Variants in MPRIP observed in about 807,000 individuals in gnomAD.
The protein encoded by MPRIP is myosin phosphatase Rho interacting protein.
Under a neutral mutation model 234.9 loss-of-function variants are expected in MPRIP, and 59 were observed. That is an observed-to-expected ratio of 0.25 (90% CI 0.20 to 0.31). MPRIP has a LOEUF of 0.31. MPRIP is among the 10% of genes least tolerant of loss of function. The pLI is 1.00. For missense variants in MPRIP, 2,436 were observed against 3,071.0 expected (o/e 0.79, Z 4.89); for synonymous variants, 1,144 against 1,263.9 (o/e 0.91, Z 2.01).
intron 4 of MPRIP, among the ~76,000 whole-genome samples, chr17:17,128,474 T>G (rs375301150): frequency 6.6e-6 from 1 of 152,162 alleles, no homozygotes; most frequent in African/African-American, 2.4e-5. Flanking sequence ...CTCTCCTGGG[T>G]CACTTCTCTG....
chr17:17,079,890 G>T (rs542617916), intron 3 of MPRIP, among the ~76,000 whole-genome samples: 2 of 152,180 alleles, frequency 1.3e-5, no homozygotes, highest in African/African-American at 4.8e-5. Flanking sequence ...AATTGAGGCC[G>T]CTTAGCCAGG....
intron 2 of MPRIP, 104 bp downstream of exon 2, chr17:17,075,891 C>T: frequency 8.8e-7 from 1 of 1,135,256 alleles, no homozygotes. Context: ...AACAGTGGAT[C>T]CTGGGATAGC....
Position 17,042,817 on chromosome 17 carries a change from C to CCGCCGT in MPRIP, c.-27_-26insTCGCCG. 7.3e-7 allele frequency: 1 copy of CCGCCGT among 1,378,938 alleles called. No homozygotes were observed. The highest frequency in any genetic ancestry group is 9.6e-7 in the Non-Finnish European group (1 of 1,045,618). The allele number at this position is 1,378,938 out of a possible 1,614,324, so 85.4% of individuals were successfully genotyped here. A position where few individuals can be genotyped will look rare whatever the true frequency, so the allele number is the denominator to read the frequency against. ...CGCCAGGCCGGCCAGGCCTGCGCCG[C>CCGCCGT]CGCCGCCGCCGCCGTCGCCGCCGCG... On this transcript the variant is annotated 5_prime_UTR_variant, in exon 1 of 24. Transcript: ENST00000651222.
intron 3 of MPRIP, among the ~76,000 whole-genome samples, chr17:17,088,180 G>A (rs904629819): frequency 6.6e-6 from 1 of 152,218 alleles, no homozygotes; most frequent in African/African-American, 2.4e-5. Flanking sequence ...GATGGGAGCG[G>A]CGAGAGCTGT....
chr17:17,168,042 C>T, intron 16 of MPRIP, 127 bp downstream of exon 16: 1 of 782,968 alleles, frequency 1.3e-6, no homozygotes, highest in Non-Finnish European at 1.8e-6. Flanking sequence ...TACTTGCTAG[C>T]CATGGTGTGG....
intron 12 of MPRIP, among the ~76,000 whole-genome samples, chr17:17,153,542 GC>G (rs2144569447): frequency 6.6e-6 from 1 of 151,656 alleles, no homozygotes; most frequent in East Asian, 2.0e-4. Context: ...CCTACCTGCT[GC>G]CCCGTTCCTC....
intron 1 of MPRIP, among the ~76,000 whole-genome samples, chr17:17,075,492 C>T (rs530557746): frequency 6.6e-6 from 1 of 152,272 alleles, no homozygotes; most frequent in Non-Finnish European, 1.5e-5. Context: ...TCTCACACTC[C>T]TGCCAGGGCC....
intron 19 of MPRIP, among the ~76,000 whole-genome samples, chr17:17,174,797 TAAAA>T (rs529734070): frequency 7.6e-6 from 1 of 132,144 alleles, no homozygotes; most frequent in Non-Finnish European, 1.7e-5. Flanking sequence ...AGACTCCGTC[TAAAA>T]AAAAAAAAAA....
rs2046493531 is a variant in MPRIP, at chr17:17,187,260, A to ATGG, written c.*2366_*2367insTGG. The ATGG allele has an allele frequency of 6.6e-6, 1 of 152,228 alleles. No homozygotes were observed. The highest frequency in any genetic ancestry group is 2.4e-5 in the African/African-American group (1 of 41,440). The allele number at this position is 152,228 out of a possible 1,614,324, so 9.4% of individuals were successfully genotyped here. On this transcript the variant is annotated 3_prime_UTR_variant, in exon 24 of 24. Transcript: ENST00000651222. Reference sequence around the variant, plus strand: ...TGGACTTCAGGAATCCTGGAAAATTAATATGAGTGCAGCATGTGAGGGGTC... The same window carrying ATGG: ...TGGACTTCAGGAATCCTGGAAAATTATGGATATGAGTGCAGCATGTGAGGGGTC...
intron 5 of MPRIP, among the ~76,000 whole-genome samples, chr17:17,134,875 G>A (rs556417776): frequency 3.0e-4 from 46 of 152,378 alleles, no homozygotes; most frequent in African/African-American, 1.1e-3. Flanking sequence ...AAATAGTCTG[G>A]TGGTGATGCT....
At chr17:17,106,858 T>C (rs546421018) in intron 3 of MPRIP, among the ~76,000 whole-genome samples, 1 of 152,228 alleles carries the variant, frequency 6.6e-6, no homozygotes, top group East Asian at 1.9e-4. Flanking sequence ...CATAACAAGT[T>C]GGATTTCTGA....
intron 3 of MPRIP, among the ~76,000 whole-genome samples, chr17:17,098,347 G>C (rs1450095911): frequency 6.6e-6 from 1 of 152,096 alleles, no homozygotes; most frequent in East Asian, 1.9e-4. Context: ...GAAGGCCCCT[G>C]CCTGCCTAAT....
At chr17:17,133,511 C>G (rs529338627) in intron 5 of MPRIP, among the ~76,000 whole-genome samples, 1 of 152,338 alleles carries the variant, frequency 6.6e-6, no homozygotes, top group Admixed American at 6.5e-5. Context: ...CTCACACCTT[C>G]AGAGCACCTG....
intron 20 of MPRIP, 83 bp downstream of exon 20, chr17:17,175,495 G>A: frequency 1.4e-6 from 2 of 1,447,082 alleles, no homozygotes; most frequent in Non-Finnish European, 1.8e-6. Context: ...CTGTCTTACA[G>A]GGTTGTGGGA....
At chr17:17,123,691 G>A (rs1312132705) in intron 3 of MPRIP, among the ~76,000 whole-genome samples, 3 of 123,536 alleles carry the variant, frequency 2.4e-5, no homozygotes, top group African/African-American at 3.3e-5. Context: ...GCAACAGAGC[G>A]AGACTTCGTC....
chr17:17,104,538 G>A (rs1305500038), intron 3 of MPRIP, among the ~76,000 whole-genome samples: 2 of 152,182 alleles, frequency 1.3e-5, no homozygotes, highest in Non-Finnish European at 2.9e-5. Context: ...CTGTGTTCAA[G>A]CCTGGTGGGG....
intron 1 of MPRIP, among the ~76,000 whole-genome samples, chr17:17,043,188 C>T (rs1201673469): frequency 6.6e-6 from 1 of 152,186 alleles, no homozygotes; most frequent in Non-Finnish European, 1.5e-5. Context: ...TTCCCATTGC[C>T]CGGCTGTGTG....
At chr17:17,088,777 C>T (rs1053383625) in intron 3 of MPRIP, among the ~76,000 whole-genome samples, 2 of 151,194 alleles carry the variant, frequency 1.3e-5, no homozygotes, top group South Asian at 2.1e-4. Context: ...TAGGGCACCA[C>T]TTCTGGCAGG....
chr17:17,083,600 T>C (rs1419577604), intron 3 of MPRIP, among the ~76,000 whole-genome samples: 2 of 152,216 alleles, frequency 1.3e-5, no homozygotes, highest in Non-Finnish European at 2.9e-5. Flanking sequence ...TTTCTCTCCC[T>C]TTTCTGCAGC....
Sources: allele counts gnomAD v4.1 joint callset (sites outside exome capture counted in the v4.1 genomes callset), GRCh38; gene constraint gnomAD v4.1.1; transcripts MANE v1.5; gene names NCBI Gene and HGNC (gene_info 2026-07-23, HGNC 2026-07-21).